GPHN: variants seen among roughly 807,000 people sequenced by gnomAD.
The protein encoded by GPHN is gephyrin.
Under a neutral mutation model 95.5 loss-of-function variants are expected in GPHN, and 17 were observed. The observed-to-expected ratio is 0.18, with a 90% CI of 0.12 to 0.27. The LOEUF is 0.27. Ranked by LOEUF, GPHN falls within the 10% of genes least tolerant of loss-of-function variation. The probability of loss-of-function intolerance (pLI) is 1.00; values close to 1 mark genes in which losing one functional copy is unlikely to be tolerated. For missense variants in GPHN, 660 were observed against 978.1 expected, an observed-to-expected ratio of 0.67 and a Z score of 4.34; for synonymous variants, 320 against 322.5, an observed-to-expected ratio of 0.99 and a Z score of 0.08.
chr14:67,373,651 C>T, the GPHN span, among the ~76,000 whole-genome samples: 1 of 152,148 alleles, frequency 6.6e-6, no homozygotes, highest in Non-Finnish European at 1.5e-5. Flanking sequence ...GGCTATTTGA[C>T]GTTGACAAGT....
the GPHN span, among the ~76,000 whole-genome samples, chr14:67,723,696 C>T: frequency 6.6e-6 from 1 of 152,176 alleles, no homozygotes; most frequent in East Asian, 1.9e-4. Flanking sequence ...GGAAATAATA[C>T]TGGAGAAGTT....
chr14:66,538,270 G>A (rs184649633), intron 1 of GPHN, among the ~76,000 whole-genome samples: 1 of 151,518 alleles, frequency 6.6e-6, no homozygotes, highest in East Asian at 1.9e-4. Context: ...AGTTTGTATG[G>A]TGCCTAGGCA....
chr14:66,792,586 C>T (rs534061060), intron 3 of GPHN, among the ~76,000 whole-genome samples: 2 of 151,834 alleles, frequency 1.3e-5, no homozygotes, highest in Non-Finnish European at 2.9e-5. Flanking sequence ...TGTCAGCAGA[C>T]TCACCATGCA....
chr14:67,110,913 C>G (rs2078328951), intron 14 of GPHN, among the ~76,000 whole-genome samples: 1 of 152,164 alleles, frequency 6.6e-6, no homozygotes. Flanking sequence ...CTAAGCAAGC[C>G]TTTATCTCAC....
chr14:67,627,537 T>C, the GPHN span, among the ~76,000 whole-genome samples: 3 of 152,238 alleles, frequency 2.0e-5, no homozygotes, highest in Non-Finnish European at 4.4e-5. Context: ...GGGACAAGAA[T>C]TGGTTGCTAG....
chr14:67,621,969 C>T, the GPHN span, among the ~76,000 whole-genome samples: 8 of 151,978 alleles, frequency 5.3e-5, no homozygotes, highest in African/African-American at 1.4e-4. Flanking sequence ...TAGTGGCATG[C>T]ACCTGTAGTC....
At chr14:66,761,037 C>CT (rs1482879465) in intron 2 of GPHN, 1 of 536,066 alleles carries the variant, frequency 1.9e-6, no homozygotes, top group African/African-American at 1.9e-5. Context: ...GTAACCATTT[C>CT]TTTTATGTAT....
chr14:66,606,741 C>G (rs1595200960), intron 1 of GPHN, among the ~76,000 whole-genome samples: 1 of 151,886 alleles, frequency 6.6e-6, no homozygotes. Context: ...GGTGTGTGTT[C>G]TTGATTTGGC....
At chr14:66,591,049 T>C (rs11158637) in intron 1 of GPHN, among the ~76,000 whole-genome samples, 148,418 of 152,302 alleles carry the variant, frequency 0.97, 72,356 homozygotes, top group East Asian at 1. Context: ...GAAGCAACGA[T>C]GAAAACCACA....
At chr14:67,435,820 C>T in the GPHN span, among the ~76,000 whole-genome samples, 3 of 152,348 alleles carry the variant, frequency 2.0e-5, no homozygotes, top group East Asian at 3.9e-4. Context: ...TCCTTGGCCA[C>T]GTCCATTGGT....
chr14:67,627,197 T>C, the GPHN span, among the ~76,000 whole-genome samples: 2 of 151,246 alleles, frequency 1.3e-5, no homozygotes, highest in Admixed American at 6.6e-5. Context: ...GGATGAATTT[T>C]ATGGTATGTG....
chr14:67,424,723 G>A, the GPHN span, among the ~76,000 whole-genome samples: 1 of 152,034 alleles, frequency 6.6e-6, no homozygotes, highest in Non-Finnish European at 1.5e-5. Context: ...TCTGAGCAGG[G>A]TCCTGCTGAG....
At chr14:67,557,989 A>AGTT in the GPHN span, among the ~76,000 whole-genome samples, 2 of 152,230 alleles carry the variant, frequency 1.3e-5, no homozygotes, top group African/African-American at 4.8e-5. Flanking sequence ...CAGAGACCAA[A>AGTT]GTTGTTGCCT....
At chr14:67,663,207 A>G in the GPHN span, 1 of 1,495,774 alleles carries the variant, frequency 6.7e-7, no homozygotes, top group African/African-American at 1.4e-5. Flanking sequence ...ACAAAAATAG[A>G]ACAGGCTTCA....
intron 11 of GPHN, among the ~76,000 whole-genome samples, chr14:67,075,338 C>A (rs1041821621): frequency 6.6e-6 from 1 of 152,118 alleles, no homozygotes; most frequent in Non-Finnish European, 1.5e-5. Flanking sequence ...AAAAAGATTT[C>A]TTTCAAAATA....
chr14:66,629,188 A>C (rs927956555), intron 1 of GPHN, among the ~76,000 whole-genome samples: 2 of 133,956 alleles, frequency 1.5e-5, no homozygotes, highest in Non-Finnish European at 3.2e-5. Context: ...TACATATATA[A>C]ATATGTATAT....
the GPHN span, among the ~76,000 whole-genome samples, chr14:67,482,257 GA>G: frequency 1.3e-5 from 2 of 152,294 alleles, no homozygotes; most frequent in South Asian, 4.1e-4. Context: ...GGTGGCAGGG[GA>G]CATGGCCAGC....
chr14:67,224,907 T>G, the GPHN span: 1 of 432,674 alleles, frequency 2.3e-6, no homozygotes, highest in African/African-American at 2.1e-5. Context: ...AAAGGGAACC[T>G]GCTTGTGAAA....
intron 3 of GPHN, among the ~76,000 whole-genome samples, chr14:66,815,514 G>A (rs1201777755): frequency 1.3e-5 from 2 of 152,088 alleles, no homozygotes; most frequent in South Asian, 2.1e-4. Flanking sequence ...CCAATATTCA[G>A]TATTCTTAAA....
Sources: gnomAD v4.1 joint callset for allele counts (sites outside exome capture counted in the v4.1 genomes callset) on GRCh38, gnomAD v4.1.1 for gene constraint, MANE v1.5 for transcripts, NCBI Gene and HGNC (gene_info 2026-07-23, HGNC 2026-07-21) for gene names.